P2RX6: variants seen among roughly 807,000 people sequenced by gnomAD.
The protein encoded by P2RX6 is purinergic receptor P2X 6.
P2RX6 carries 62 observed loss-of-function variants against 54.2 expected under a neutral mutation model. The observed-to-expected ratio is 1.14, with a 90% CI of 0.93 to 1.41. The LOEUF is 1.41. Among genes scored for constraint, P2RX6 ranks in the 40% most tolerant of loss-of-function variants. The pLI, the probability that P2RX6 is intolerant of heterozygous loss-of-function variation, is 0.00. For synonymous variants in P2RX6, 211 were observed against 231.9 expected (o/e 0.91, Z 0.82); for missense variants, 541 against 566.3 (o/e 0.96, Z 0.45).
chr22:21,017,982 C>T lies in P2RX6; in HGVS notation c.316-7C>T. 3 of 1,607,220 alleles carry T rather than the reference C, an allele frequency of 1.9e-6. No individual in the cohort carries two copies. Among genetic ancestry groups the T allele is most frequent in the Non-Finnish European group, 2.6e-6 (3 of 1,174,390 alleles). ...CAGCCAGGCCAACCTTGAGACTTGCCTCCTAGGGAGAGAACGTGTTCTTCT... is the reference window on the plus strand; with the variant it reads ...CAGCCAGGCCAACCTTGAGACTTGCTTCCTAGGGAGAGAACGTGTTCTTCT... On this transcript the variant is annotated splice_region_variant and splice_polypyrimidine_tract_variant and intron_variant, in intron 2 of 11. Transcript: ENST00000413302.
rs957970527 is a variant in P2RX6, at chr22:21,016,062, G to A, written c.285G>A (p.Trp95Ter). Residue 95 changes from tryptophan (W) to a stop codon, truncating the protein, a stop_gained, in exon 2 of 12, where the codon TGG becomes TGA. Coordinates refer to ENST00000413302, the MANE Select transcript of P2RX6 (RefSeq NM_005446.5). LOFTEE classifies it high-confidence loss of function. The part of the protein sequence containing the change: ...TQIKELGNRL[W>*]DVADFVKPPQ... ...TCAAGGAGCTTGGAAACCGGCTGTGGGATGTGGCCGACTTCGTGAAGCCAC... is the reference window on the plus strand; with the variant it reads ...TCAAGGAGCTTGGAAACCGGCTGTGAGATGTGGCCGACTTCGTGAAGCCAC... The A allele has an allele frequency of 6.3e-5, 98 of 1,563,444 alleles. No homozygotes were observed. Among genetic ancestry groups the A allele is most frequent in the Non-Finnish European group, 8.5e-5 (98 of 1,154,774 alleles).
At position 21,026,567 on chromosome 22, in the gene P2RX6, C is replaced by T. The variant is rs1168042433; in HGVS notation, c.1276C>T (p.Pro426Ser). 1.9e-6 allele frequency: 3 copies of T among 1,590,532 alleles called. No homozygotes were observed. Among genetic ancestry groups the T allele is most frequent in the Admixed American group, 1.8e-5 (1 of 56,744 alleles). ...GAGTCAGACACAGACACCAGGATGG[C>T]CCTGTCCAAGTTCTGACACCCACTT... ...AGSQTQTPGWPCPSSDTHLPT... is the reference protein window; with the variant it reads ...AGSQTQTPGWSCPSSDTHLPT... The change falls in exon 12 of 12, where the codon CCC (proline) becomes TCC (serine). Residue 426 changes from proline (P) to serine (S), a missense_variant. Physicochemically the swap from Pro to Ser is moderately conservative, Grantham distance 74. This residue lies in a region of P2RX6 where 526 missense variants were observed against 531.5 expected (regional missense o/e 0.99). Transcript: ENST00000413302. The surrounding 1 kb of genome is among the most constrained non-coding windows in gnomAD (Gnocchi z 4.0).
At chr22:21,017,196 C>T (rs553457817) in intron 2 of P2RX6, among the ~76,000 whole-genome samples, 5 of 152,298 alleles carry the variant, frequency 3.3e-5, no homozygotes, top group African/African-American at 1.2e-4. Context: ...GAGCCTGCAG[C>T]GCCTGCTTCT....
upstream of P2RX6, among the ~76,000 whole-genome samples, chr22:21,010,652 C>A (rs1156456867): frequency 1.3e-5 from 2 of 152,112 alleles, no homozygotes; most frequent in African/African-American, 2.4e-5. Flanking sequence ...ATTATTGGAC[C>A]ATTTGAGGAG....
At chr22:21,022,840 C>T in intron 4 of P2RX6, 89 bp downstream of exon 4, 2 of 1,466,246 alleles carry the variant, frequency 1.4e-6, no homozygotes, top group East Asian at 2.3e-5. Flanking sequence ...GCCCTGCTCG[C>T]CTCTGTCCCT....
intron 3 of P2RX6, among the ~76,000 whole-genome samples, chr22:21,019,792 G>T (rs912894955): frequency 6.6e-6 from 1 of 152,234 alleles, no homozygotes; most frequent in African/African-American, 2.4e-5. Context: ...ATAGATTATA[G>T]ATTAACTAAA....
At chr22:21,020,671 C>G (rs1927224777) in intron 3 of P2RX6, among the ~76,000 whole-genome samples, 2 of 149,760 alleles carry the variant, frequency 1.3e-5, no homozygotes, top group Admixed American at 1.3e-4. Flanking sequence ...GCTCACTGCA[C>G]ACCTCCACCT....
At position 21,026,091 on chromosome 22, in the gene P2RX6, T is replaced by A. The variant is rs758742211; in HGVS notation, c.1050+15T>A. Reference sequence around the variant, plus strand: ...GGCTGGGCGTGGTGAGTGCGAGCACTGTGGGCACCTGCAGGCTGCAGTGAG... The same window carrying A: ...GGCTGGGCGTGGTGAGTGCGAGCACAGTGGGCACCTGCAGGCTGCAGTGAG... On this transcript the variant is annotated intron_variant, in intron 10 of 11. Coordinates refer to ENST00000413302, the MANE Select transcript of P2RX6 (RefSeq NM_005446.5). The surrounding 1 kb of genome is among the most constrained non-coding windows in gnomAD (Gnocchi z 4.0). 1.2e-6 allele frequency: 2 copies of A among 1,605,308 alleles called. No homozygotes were observed. The highest frequency in any genetic ancestry group is 2.2e-5 in the South Asian group (2 of 89,636).
chr22:21,022,010 C>T (rs568994440), intron 3 of P2RX6, among the ~76,000 whole-genome samples: 4 of 152,268 alleles, frequency 2.6e-5, no homozygotes, highest in African/African-American at 4.8e-5. Flanking sequence ...ATCTGTCATC[C>T]AAATTGGACC....
chr22:21,025,259 G>A (rs539689058), intron 8 of P2RX6, among the ~76,000 whole-genome samples: 63 of 152,172 alleles, frequency 4.1e-4, no homozygotes, highest in African/African-American at 1.3e-3. Flanking sequence ...GCCACCGAGC[G>A]TCACCTCGTC....
At chr22:21,011,545 G>T (rs1925737390), upstream of P2RX6, 2 of 714,250 alleles carry the variant, frequency 2.8e-6, no homozygotes, top group Admixed American at 2.0e-5. Context: ...GGCACAGAGG[G>T]CCTGGGCTCC....
chr22:21,011,626 C>T, upstream of P2RX6: 2 of 710,462 alleles, frequency 2.8e-6, no homozygotes, highest in East Asian at 5.4e-5. Context: ...CAGTGGGATG[C>T]AAAGCCAGGT....
chr22:21,012,162 C>G (rs1925771481), upstream of P2RX6, among the ~76,000 whole-genome samples: 1 of 152,188 alleles, frequency 6.6e-6, no homozygotes, highest in Admixed American at 6.5e-5. Flanking sequence ...TGAACTCCCA[C>G]CTTGCCCACC....
At position 21,019,397 on chromosome 22, in the gene P2RX6, C is replaced by T. The variant is rs1020289445; in HGVS notation, c.387+1337C>T. Among the ~76,000 whole-genome samples, 4 of 152,200 alleles carry T rather than the reference C, an allele frequency of 2.6e-5. No homozygotes were observed. The East Asian group carries it at 7.7e-4, about 29-fold the overall frequency. On this transcript the variant is annotated intron_variant, in intron 3 of 11. Coordinates refer to ENST00000413302, the MANE Select transcript of P2RX6 (RefSeq NM_005446.5). ...ATGGCACGATCTCGGCTCACTGCAA[C>T]CTCCGCCTCCTGGGTTCAAGCAGTT...
In P2RX6 at chr22:21,016,084, C is replaced by T; in HGVS notation, c.307C>T (p.Pro103Ser). The change falls in exon 2 of 12, where the codon CCA (proline) becomes TCA (serine). Residue 103 changes from proline to serine, a missense_variant. By Grantham distance (74) the Pro-to-Ser change is moderately conservative. Coordinates refer to ENST00000413302, the MANE Select transcript of P2RX6 (RefSeq NM_005446.5). ...GTGGGATGTGGCCGACTTCGTGAAGCCACCTCAGGTGGGGGCCCTGATGTT... is the reference window on the plus strand; with the variant it reads ...GTGGGATGTGGCCGACTTCGTGAAGTCACCTCAGGTGGGGGCCCTGATGTT... ...RLWDVADFVK[P>S]PQGENVFFLV... 4 of 1,562,770 alleles carry T rather than the reference C, an allele frequency of 2.6e-6. No homozygotes were observed. The highest frequency in any genetic ancestry group is 3.5e-6 in the Non-Finnish European group (4 of 1,154,384).
intron 3 of P2RX6, among the ~76,000 whole-genome samples, chr22:21,021,108 T>C: frequency 6.6e-6 from 1 of 152,134 alleles, no homozygotes; most frequent in Admixed American, 6.5e-5. Flanking sequence ...ACTAAGGAGC[T>C]AAACTGTTTT....
At chr22:21,022,568 G>A (rs1438208316) in intron 3 of P2RX6, 108 bp from the exon 4 acceptor site, 1 of 757,176 alleles carries the variant, frequency 1.3e-6, no homozygotes, top group Non-Finnish European at 2.1e-6. Context: ...TGTTTAAGGT[G>A]GGAAGGGGGC....
intron 3 of P2RX6, among the ~76,000 whole-genome samples, chr22:21,019,468 T>C (rs1926984079): frequency 6.6e-6 from 1 of 152,148 alleles, no homozygotes; most frequent in Admixed American, 6.5e-5. Flanking sequence ...TGCCCGCCAC[T>C]GTGCCCAGCT....
intron 3 of P2RX6, among the ~76,000 whole-genome samples, chr22:21,019,982 A>AGTGTGGGTGTC: frequency 6.6e-6 from 1 of 152,290 alleles, no homozygotes; most frequent in Non-Finnish European, 1.5e-5. Context: ...ACAAACTTCC[A>AGTGTGGGTGTC]GTGTGGGTGT....
Sources: allele counts gnomAD v4.1 joint callset (sites outside exome capture counted in the v4.1 genomes callset), GRCh38; gene constraint gnomAD v4.1.1; regional missense constraint gnomAD v4.1.1; non-coding constraint Gnocchi (gnomAD v3.1); transcripts MANE v1.5; gene names NCBI Gene and HGNC (gene_info 2026-07-23, HGNC 2026-07-21).